The following DOCK8 variants were observed in gnomAD, a reference collection of about 807,000 sequenced individuals.
DOCK8 encodes the protein dedicator of cytokinesis 8.
A neutral mutation model predicts 245.6 loss-of-function variants in DOCK8; 141 were observed. The ratio of observed to expected loss-of-function variants is 0.57; its 90% CI spans 0.50 to 0.66. DOCK8 has a LOEUF of 0.66. Ranked by LOEUF, DOCK8 falls within the 30% of genes least tolerant of loss-of-function variation. The probability of loss-of-function intolerance (pLI) is 0.00; values close to 1 mark genes in which losing one functional copy is unlikely to be tolerated. For missense variants in DOCK8, 2,965 were observed against 2,603.4 expected (o/e 1.14, Z -3.02); for synonymous variants, 1,168 against 970.2 (o/e 1.20, Z -3.79).
At chr9:292,496 G>T (rs1222672160) in intron 4 of DOCK8, among the ~76,000 whole-genome samples, 1 of 149,564 alleles carries the variant, frequency 6.7e-6, no homozygotes, top group South Asian at 2.1e-4. Flanking sequence ...TTGATAAAAG[G>T]TTGTCTTTTT....
At chr9:259,646 A>G (rs1166386471) in intron 1 of DOCK8, among the ~76,000 whole-genome samples, 2 of 152,246 alleles carry the variant, frequency 1.3e-5, no homozygotes, top group African/African-American at 2.4e-5. Flanking sequence ...GTAAGCACTC[A>G]GTAAATAGTG....
Position 255,528 on chromosome 9 carries a change from C to T in DOCK8, c.54-16099C>T, listed in dbSNP as rs771795126. On this transcript the variant is annotated intron_variant, in intron 1 of 47. Coordinates refer to ENST00000432829, the MANE Select transcript of DOCK8 (RefSeq NM_203447.4). ...ACTAAAAATACAAAAATTAGCCAGG[C>T]GTGGTGGCACTTGCCTGTTGTCCCA... is the stretch of plus-strand genomic sequence containing the variant. Among the ~76,000 whole-genome samples, 20 of 151,844 alleles carry T rather than the reference C, an allele frequency of 1.3e-4. 1 individual carries two copies. Among genetic ancestry groups the T allele is most frequent in the East Asian group, 7.7e-4 (4 of 5,188 alleles).
chr9:380,006 C>T lies in DOCK8; in HGVS notation c.2605+71C>T. 3.3e-6 allele frequency: 5 copies of T among 1,529,786 alleles called. No homozygotes were observed. In the South Asian group the frequency reaches 5.9e-5, roughly 18 times the overall value. 94.8% of individuals were successfully genotyped at this position (1,529,786 alleles called of 1,614,324 possible). A position where few individuals can be genotyped will look rare whatever the true frequency, so the allele number is the denominator to read the frequency against. The stretch of plus-strand genomic sequence containing the variant: ...ACCTCCACCCCACTGCAGTGTAATC[C>T]AAAATAAAACATCCTATGCTGGGTG... On this transcript the variant is annotated intron_variant, in intron 21 of 47. Transcript: ENST00000432829.
At chr9:227,179 G>T (rs1166537697) in intron 1 of DOCK8, among the ~76,000 whole-genome samples, 1 of 152,148 alleles carries the variant, frequency 6.6e-6, no homozygotes, top group African/African-American at 2.4e-5. Context: ...ATTGGAAGAA[G>T]AAGCAATTAT....
chr9:434,735 C>T, intron 38 of DOCK8, 48 bp from the exon 39 acceptor site: 3 of 1,575,236 alleles, frequency 1.9e-6, no homozygotes, highest in Non-Finnish European at 2.6e-6. Context: ...AGAACAGTGT[C>T]ATTAACCCAC....
At chr9:242,709 C>T (rs1241635474) in intron 1 of DOCK8, among the ~76,000 whole-genome samples, 7 of 152,308 alleles carry the variant, frequency 4.6e-5, no homozygotes, top group African/African-American at 1.7e-4. Context: ...TTTTTAACCA[C>T]TTGCTTCTTG....
chr9:430,410 A>ACG (rs1259503944), intron 36 of DOCK8, among the ~76,000 whole-genome samples: 1 of 151,360 alleles, frequency 6.6e-6, no homozygotes, highest in Non-Finnish European at 1.5e-5. Flanking sequence ...AACCAGGTGC[A>ACG]GTGGCTCATG....
chr9:248,201 C>T (rs565120228), intron 1 of DOCK8, among the ~76,000 whole-genome samples: 1 of 152,366 alleles, frequency 6.6e-6, no homozygotes, highest in East Asian at 1.9e-4. Context: ...CTTTGCCCCT[C>T]AAGCACCAGG....
chr9:310,598 A>C (rs1389209201), intron 5 of DOCK8, among the ~76,000 whole-genome samples: 2 of 152,120 alleles, frequency 1.3e-5, no homozygotes, highest in Non-Finnish European at 2.9e-5. Context: ...AGCTGAGATT[A>C]TAGGCACTGG....
At chr9:308,241 C>T (rs992046311) in intron 5 of DOCK8, among the ~76,000 whole-genome samples, 1 of 152,184 alleles carries the variant, frequency 6.6e-6, no homozygotes, top group Non-Finnish European at 1.5e-5. Flanking sequence ...ATAATTGAGG[C>T]AATGGGTACA....
chr9:253,267 A>C (rs942254291), intron 1 of DOCK8, among the ~76,000 whole-genome samples: 1 of 152,180 alleles, frequency 6.6e-6, no homozygotes, highest in Non-Finnish European at 1.5e-5. Flanking sequence ...CTCTCAAGTA[A>C]CTGATCTTTC....
chr9:457,515 T>C (rs1376351471), intron 46 of DOCK8, among the ~76,000 whole-genome samples: 5 of 152,166 alleles, frequency 3.3e-5, no homozygotes, highest in Non-Finnish European at 7.4e-5. Context: ...AATACGGAGA[T>C]TGTCTATCCA....
intron 1 of DOCK8, among the ~76,000 whole-genome samples, chr9:235,933 C>T (rs566030249): frequency 6.6e-6 from 1 of 152,348 alleles, no homozygotes; most frequent in East Asian, 1.9e-4. Flanking sequence ...CTGGCACTCC[C>T]CAGTGAGATG....
chr9:260,739 A>C (rs749641692), intron 1 of DOCK8, among the ~76,000 whole-genome samples: 7 of 152,230 alleles, frequency 4.6e-5, no homozygotes, highest in Non-Finnish European at 4.4e-5. Flanking sequence ...GCAGCTGTAA[A>C]AAAAGAATGA....
rs763563493 is a variant in DOCK8, at chr9:286,575, T to C, written c.271T>C (p.Leu91=). 6.2e-7 allele frequency: 1 copy of C among 1,614,024 alleles called. No individual in the cohort carries two copies. The highest frequency in any genetic ancestry group is 8.5e-7 in the Non-Finnish European group (1 of 1,179,948). The change falls in exon 3 of 48, where the codon TTG becomes CTG. Residue 91 remains leucine (L), a synonymous_variant. Transcript: ENST00000432829. ...GCTCGGGGACTTCACTGATGACGAC[T>C]TGGACGTGGTGTTCACGCCAAAGGA... ...QELGDFTDDD[L]DVVFTPKECR...
intron 1 of DOCK8, among the ~76,000 whole-genome samples, chr9:235,305 C>G (rs1305614547): frequency 6.6e-6 from 1 of 152,116 alleles, no homozygotes; most frequent in African/African-American, 2.4e-5. Flanking sequence ...CAGTCTGCCC[C>G]TACTGGGGGG....
At chr9:222,978 C>A (rs995249993) in intron 1 of DOCK8, among the ~76,000 whole-genome samples, 1 of 152,178 alleles carries the variant, frequency 6.6e-6, no homozygotes, top group Admixed American at 6.5e-5. Flanking sequence ...GATTACATAA[C>A]TCATTGTATG....
At chr9:231,188 G>A (rs900789299) in intron 1 of DOCK8, among the ~76,000 whole-genome samples, 4 of 152,070 alleles carry the variant, frequency 2.6e-5, no homozygotes, top group Admixed American at 2.6e-4. Flanking sequence ...TTTTTGTCAG[G>A]TTTGTCAAGG....
In DOCK8 at chr9:347,111, C is replaced by T. The variant is rs145407509; in HGVS notation, c.1679+6790C>T. The stretch of plus-strand genomic sequence containing the variant: ...TGGTCTGGGATGGGGCACTGGTGGT[C>T]TGACACTCTCTTTTGTTCAAAATCA... On this transcript the variant is annotated intron_variant, in intron 14 of 47. Coordinates refer to ENST00000432829, the MANE Select transcript of DOCK8 (RefSeq NM_203447.4). Among the ~76,000 whole-genome samples, 188 of 152,212 alleles carry T rather than the reference C, an allele frequency of 1.2e-3. 1 individual carries two copies. Among genetic ancestry groups the T allele is most frequent in the Non-Finnish European group, 1.4e-3 (97 of 68,014 alleles).
Sources: allele counts gnomAD v4.1 joint callset (sites outside exome capture counted in the v4.1 genomes callset), GRCh38; gene constraint gnomAD v4.1.1; transcripts MANE v1.5; gene names NCBI Gene and HGNC (gene_info 2026-07-23, HGNC 2026-07-21).